PDE10A: variants seen among roughly 807,000 people sequenced by gnomAD.
PDE10A encodes the protein cAMP and cAMP-inhibited cGMP 3',5'-cyclic phosphodiesterase 10A.
A neutral mutation model predicts 97.7 loss-of-function variants in PDE10A; 39 were observed. That is an observed-to-expected ratio of 0.40 (90% CI 0.31 to 0.52). The LOEUF (loss-of-function observed/expected upper bound fraction) is 0.52, where lower values mean the gene tolerates loss of function less well. PDE10A is among the 20% of genes least tolerant of loss of function. The pLI, the probability that PDE10A is intolerant of heterozygous loss-of-function variation, is 0.56. For synonymous variants in PDE10A, 371 were observed against 376.8 expected (o/e 0.98, Z 0.18); for missense variants, 731 against 1,047.8 (o/e 0.70, Z 4.17).
At chr6:165,409,113 C>T (rs1313097634) in intron 13 of PDE10A, among the ~76,000 whole-genome samples, 4 of 143,514 alleles carry the variant, frequency 2.8e-5, no homozygotes, top group Non-Finnish European at 4.5e-5. Flanking sequence ...TGCAACAAGC[C>T]GAGATGGCAC....
chr6:165,903,620 G>A (rs1782175577), intron 1 of PDE10A, among the ~76,000 whole-genome samples: 1 of 152,180 alleles, frequency 6.6e-6, no homozygotes, highest in Non-Finnish European at 1.5e-5. Flanking sequence ...TTGTATAACA[G>A]GCCGCTACTC....
intron 1 of PDE10A, among the ~76,000 whole-genome samples, chr6:165,726,225 C>G (rs1792291262): frequency 6.6e-6 from 1 of 152,108 alleles, no homozygotes; most frequent in Non-Finnish European, 1.5e-5. Flanking sequence ...AACGTCCCAG[C>G]TCTTGGAGGA....
chr6:165,623,862 G>A (rs1788264717), intron 1 of PDE10A, among the ~76,000 whole-genome samples: 2 of 152,178 alleles, frequency 1.3e-5, no homozygotes, highest in Non-Finnish European at 2.9e-5. Context: ...ATACCTGTCT[G>A]TTCCAATAAC....
At chr6:165,787,056 A>G (rs1435395845) in intron 1 of PDE10A, among the ~76,000 whole-genome samples, 2 of 152,180 alleles carry the variant, frequency 1.3e-5, no homozygotes, top group East Asian at 3.9e-4. Context: ...TTCAAATTCA[A>G]TTTAATGAAT....
chr6:165,531,844 C>G (rs1482001264), intron 2 of PDE10A, among the ~76,000 whole-genome samples: 1 of 152,068 alleles, frequency 6.6e-6, no homozygotes, highest in African/African-American at 2.4e-5. Flanking sequence ...ATGTAGAACA[C>G]CAACAGGCTA....
At chr6:165,786,570 G>T (rs1415091005) in intron 1 of PDE10A, among the ~76,000 whole-genome samples, 1 of 152,188 alleles carries the variant, frequency 6.6e-6, no homozygotes, top group Non-Finnish European at 1.5e-5. Flanking sequence ...TCATCTTCCT[G>T]CAGCTTTTAG....
At chr6:165,770,508 T>A (rs1436895182) in intron 1 of PDE10A, among the ~76,000 whole-genome samples, 21 of 152,318 alleles carry the variant, frequency 1.4e-4, no homozygotes, top group Non-Finnish European at 2.9e-5. Context: ...TAATCTTTTA[T>A]TCAAGAAGTG....
At chr6:165,511,767 T>C (rs1781523433) in intron 2 of PDE10A, among the ~76,000 whole-genome samples, 1 of 152,160 alleles carries the variant, frequency 6.6e-6, no homozygotes, top group Admixed American at 6.5e-5. Context: ...TCATTCTACA[T>C]GATCTCATTT....
intron 1 of PDE10A, among the ~76,000 whole-genome samples, chr6:165,869,207 T>G (rs1253305001): frequency 6.6e-6 from 1 of 151,748 alleles, no homozygotes; most frequent in Non-Finnish European, 1.5e-5. Flanking sequence ...AACCTAAAGA[T>G]CCACCAAAAA....
At chr6:165,917,284 C>T (rs919218301) in intron 1 of PDE10A, among the ~76,000 whole-genome samples, 2 of 151,218 alleles carry the variant, frequency 1.3e-5, no homozygotes, top group South Asian at 2.1e-4. Context: ...GGCTGAGCCA[C>T]AGGCGTACAG....
chr6:165,638,463 T>C (rs993715831), intron 1 of PDE10A, among the ~76,000 whole-genome samples: 27 of 152,220 alleles, frequency 1.8e-4, no homozygotes, highest in African/African-American at 6.3e-4. Context: ...TTAATTTTCT[T>C]ATACCAATTC....
chr6:165,346,046 G>T (rs747164770), intron 18 of PDE10A, among the ~76,000 whole-genome samples: 2 of 152,192 alleles, frequency 1.3e-5, no homozygotes, highest in East Asian at 1.9e-4. Flanking sequence ...AACATGGAAC[G>T]TAGTTAAGTT....
intron 2 of PDE10A, among the ~76,000 whole-genome samples, chr6:165,515,172 T>G (rs1781720614): frequency 6.6e-6 from 1 of 152,240 alleles, no homozygotes; most frequent in Admixed American, 6.5e-5. Flanking sequence ...AGCTACTTAA[T>G]GCTTTGACAG....
intron 1 of PDE10A, among the ~76,000 whole-genome samples, chr6:165,625,772 G>A (rs12214720): frequency 0.36 from 54,306 of 152,078 alleles, 9,782 homozygotes; most frequent in Middle Eastern, 0.45. Context: ...TGAGGCCTCC[G>A]CAGCCACATG....
intron 1 of PDE10A, among the ~76,000 whole-genome samples, chr6:165,700,502 G>T (rs1562692078): frequency 6.6e-6 from 1 of 152,130 alleles, no homozygotes; most frequent in South Asian, 2.1e-4. Flanking sequence ...TTTCAAAAAT[G>T]ATCTTGTCAC....
chr6:165,405,055 T>C (rs1411981418), intron 13 of PDE10A, among the ~76,000 whole-genome samples: 2 of 150,590 alleles, frequency 1.3e-5, no homozygotes, highest in Non-Finnish European at 2.9e-5. Context: ...CTAACGTGTT[T>C]CAGTGGATTT....
intron 1 of PDE10A, among the ~76,000 whole-genome samples, chr6:165,738,142 C>A: frequency 6.8e-6 from 1 of 147,840 alleles, no homozygotes; most frequent in Admixed American, 6.7e-5. Flanking sequence ...AGGTATATCT[C>A]CCAGTGCTAT....
chr6:165,605,060 A>G (rs1407652926), intron 1 of PDE10A, among the ~76,000 whole-genome samples: 1 of 152,082 alleles, frequency 6.6e-6, no homozygotes, highest in Non-Finnish European at 1.5e-5. Context: ...TTTACATTTT[A>G]CCACCGGAAT....
intron 5 of PDE10A, among the ~76,000 whole-genome samples, chr6:165,441,528 TATTA>T (rs1203692523): frequency 6.6e-6 from 1 of 152,230 alleles, no homozygotes. Flanking sequence ...GTCACACAAT[TATTA>T]ATTACACAAT....
Sources: gnomAD v4.1 joint callset for allele counts (sites outside exome capture counted in the v4.1 genomes callset) on GRCh38, gnomAD v4.1.1 for gene constraint, MANE v1.5 for transcripts, NCBI Gene and HGNC (gene_info 2026-07-23, HGNC 2026-07-21) for gene names.